NNMT: variants seen among roughly 807,000 people sequenced by gnomAD.
NNMT encodes the protein nicotinamide N-methyltransferase.
In NNMT, 10 loss-of-function variants were observed where a neutral mutation model predicts 11.7. The observed-to-expected ratio is 0.85, with a 90% CI of 0.53 to 1.45. The LOEUF (loss-of-function observed/expected upper bound fraction) is 1.45. Among genes scored for constraint, NNMT ranks in the 40% most tolerant of loss-of-function variants. The pLI is 0.00. For synonymous variants in NNMT, 143 were observed against 133.8 expected, an observed-to-expected ratio of 1.07 and a Z score of -0.48; for missense variants, 381 against 319.4, an observed-to-expected ratio of 1.19 and a Z score of -1.47.
At chr11:114,296,805 A>C in intron 1 of NNMT, 95 bp downstream of exon 1, 1 of 1,249,620 alleles carries the variant, frequency 8.0e-7, no homozygotes, top group Non-Finnish European at 1.1e-6. Context: ...TTGTTGCTTC[A>C]CAGCCCTTTT....
intron 2 of NNMT, chr11:114,269,609 G>A (rs1466158473): frequency 2.2e-4 from 34 of 152,060 alleles, no homozygotes; most frequent in Admixed American, 2.2e-3. Context: ...AAAATATTTA[G>A]TGTTTCTCTA....
intron 2 of NNMT, among the ~76,000 whole-genome samples, chr11:114,274,628 G>T (rs1400772164): frequency 3.3e-5 from 5 of 152,228 alleles, no homozygotes; most frequent in Non-Finnish European, 7.3e-5. Context: ...GATGTCAGTG[G>T]AACTGCAGGA....
rs1235464081 is a variant in NNMT at position 114,298,065 on chromosome 11, A to C, written c.269A>C (p.Asn90Thr). ...GTCGTCACTGACTACTCAGACCAGA[A>C]CCTGCAGGAGCTGGAGAAGTGGCTG... ...EIVVTDYSDQ[N>T]LQELEKWLKK... The change falls in exon 2 of 3, where the codon AAC becomes ACC. Residue 90 changes from asparagine to threonine, a missense_variant. Physicochemically the swap from Asn to Thr is moderately conservative, Grantham distance 65. Transcript: ENST00000299964. 6.2e-7 allele frequency: 1 copy of C among 1,614,068 alleles called. No homozygotes were observed. Among genetic ancestry groups the C allele is most frequent in the Admixed American group, 1.7e-5 (1 of 60,006 alleles).
At position 114,312,765 on chromosome 11, in the gene NNMT, G is replaced by A. The variant is rs140572642; in HGVS notation, c.*288G>A. ...ACTTCCCTAAACATCTAGTTATGGC[G>A]GCTCAAGCCCGTACCTGCCTACAGA... On this transcript the variant is annotated 3_prime_UTR_variant, in exon 3 of 3. Transcript: ENST00000299964. 1.9e-4 allele frequency: 73 copies of A among 386,536 alleles called. 2 individuals are homozygous for A. Among genetic ancestry groups the A allele is most frequent in the Middle Eastern group, 1.4e-3 (2 of 1,406 alleles). The allele number at this position is 386,536 out of a possible 1,614,324, so 23.9% of individuals were successfully genotyped here.
chr11:114,303,612 T>C (rs1453348433), intron 2 of NNMT, among the ~76,000 whole-genome samples: 1 of 152,220 alleles, frequency 6.6e-6, no homozygotes, highest in East Asian at 1.9e-4. Context: ...TCTAAGTCCA[T>C]GCATATATGA....
chr11:114,263,397 C>G (rs1196845943), intron 2 of NNMT, among the ~76,000 whole-genome samples: 1 of 152,202 alleles, frequency 6.6e-6, no homozygotes, highest in African/African-American at 2.4e-5. Flanking sequence ...CCAGACACTC[C>G]CTTCTGGGCA....
intron 2 of NNMT, among the ~76,000 whole-genome samples, chr11:114,276,299 G>A (rs1042232494): frequency 6.6e-6 from 1 of 152,070 alleles, no homozygotes; most frequent in Non-Finnish European, 1.5e-5. Flanking sequence ...GCTTGGATTT[G>A]GAGAAGTTGG....
intron 2 of NNMT, among the ~76,000 whole-genome samples, chr11:114,310,391 G>T (rs892636534): frequency 6.6e-6 from 1 of 152,176 alleles, no homozygotes; most frequent in Non-Finnish European, 1.5e-5. Context: ...TAATTGCTAA[G>T]CTCCTTAAAT....
intron 2 of NNMT, among the ~76,000 whole-genome samples, chr11:114,305,919 A>G (rs1488094662): frequency 1.3e-5 from 2 of 151,816 alleles, no homozygotes; most frequent in South Asian, 4.2e-4. Flanking sequence ...CTGAGGAATC[A>G]CCACACTGAC....
At chr11:114,298,544 G>A (rs1945407079) in intron 2 of NNMT, among the ~76,000 whole-genome samples, 2 of 152,144 alleles carry the variant, frequency 1.3e-5, no homozygotes, top group Non-Finnish European at 2.9e-5. Flanking sequence ...GGATGTCAGT[G>A]CTTGTCCCTT....
chr11:114,302,366 TGG>T (rs1945446884), intron 2 of NNMT, among the ~76,000 whole-genome samples: 1 of 152,152 alleles, frequency 6.6e-6, no homozygotes. Context: ...TGAGTTTGTG[TGG>T]TTTTTCTAGG....
chr11:114,284,502 T>C (rs1945282357), intron 2 of NNMT, among the ~76,000 whole-genome samples: 1 of 152,188 alleles, frequency 6.6e-6, no homozygotes, highest in South Asian at 2.1e-4. Flanking sequence ...GATGGAGTCT[T>C]GTCCAGGCTG....
chr11:114,307,170 A>G (rs1373943405), intron 2 of NNMT, among the ~76,000 whole-genome samples: 2 of 152,200 alleles, frequency 1.3e-5, no homozygotes, highest in African/African-American at 4.8e-5. Context: ...GAAACCTTCA[A>G]CTAGCTATTT....
At chr11:114,273,795 G>A (rs560189029) in intron 2 of NNMT, among the ~76,000 whole-genome samples, 1 of 152,170 alleles carries the variant, frequency 6.6e-6, no homozygotes, top group African/African-American at 2.4e-5. Context: ...AGCTGAGATC[G>A]CTCCATTGCA....
chr11:114,270,485 A>G (rs1322850543), intron 2 of NNMT: 1 of 152,152 alleles, frequency 6.6e-6, no homozygotes, highest in Non-Finnish European at 1.5e-5. Flanking sequence ...GATTTCCCTT[A>G]CTCCCGTCTG....
At chr11:114,291,397 C>T (rs1945333942) in intron 2 of NNMT, among the ~76,000 whole-genome samples, 1 of 152,212 alleles carries the variant, frequency 6.6e-6, no homozygotes, top group Non-Finnish European at 1.5e-5. Context: ...GCACACACAA[C>T]TTTCCTTTGC....
chr11:114,296,249 C>T (rs1339412188), upstream of NNMT: 8 of 234,954 alleles, frequency 3.4e-5, no homozygotes, highest in Non-Finnish European at 5.0e-5. Context: ...CAATCCCTGG[C>T]GGCTGGCCTT....
At chr11:114,287,266 C>A (rs532099506) in intron 2 of NNMT, among the ~76,000 whole-genome samples, 1 of 152,212 alleles carries the variant, frequency 6.6e-6, no homozygotes, top group Admixed American at 6.5e-5. Context: ...ATTTACAAAT[C>A]TTTTATTCAT....
At position 114,297,978 on chromosome 11, in the gene NNMT, A is replaced by C. The variant is rs150359341; in HGVS notation, c.182A>C (p.Asp61Ala). 6.8e-6 allele frequency: 11 copies of C among 1,613,042 alleles called. No individual in the cohort carries two copies. In the African/African-American group the frequency reaches 1.5e-4, roughly 22 times the overall value. ...LDGVKGDLLIDIGSGPTIYQL... is the reference protein window; with the variant it reads ...LDGVKGDLLIAIGSGPTIYQL... Reference sequence around the variant, plus strand: ...GGTGTGAAGGGAGACCTGCTGATTGACATCGGCTCTGGCCCCACTATCTAT... The same window carrying C: ...GGTGTGAAGGGAGACCTGCTGATTGCCATCGGCTCTGGCCCCACTATCTAT... Residue 61 changes from aspartate (D) to alanine (A), a missense_variant, in exon 2 of 3, where the codon GAC becomes GCC. Coordinates refer to ENST00000299964, the MANE Select transcript of NNMT (RefSeq NM_006169.3).
Sources: allele counts gnomAD v4.1 joint callset (sites outside exome capture counted in the v4.1 genomes callset), GRCh38; gene constraint gnomAD v4.1.1; transcripts MANE v1.5; gene names NCBI Gene and HGNC (gene_info 2026-07-23, HGNC 2026-07-21).